The following PLPPR1 variants were observed in gnomAD, a reference collection of about 807,000 sequenced individuals.
The protein encoded by PLPPR1 is phospholipid phosphatase related 1.
In PLPPR1, 10 loss-of-function variants were observed where a neutral mutation model predicts 33.1. The ratio of observed to expected loss-of-function variants is 0.30; its 90% CI spans 0.19 to 0.51. The LOEUF (loss-of-function observed/expected upper bound fraction) is 0.51, where lower values mean the gene tolerates loss of function less well. Ranked by LOEUF, PLPPR1 falls within the 20% of genes least tolerant of loss-of-function variation. The pLI is 0.97. For synonymous variants in PLPPR1, 151 were observed against 151.0 expected (o/e 1.00, Z 0.00); for missense variants, 304 against 408.1 (o/e 0.74, Z 2.20).
chr9:101,132,450 G>A (rs777742301), intron 1 of PLPPR1, among the ~76,000 whole-genome samples: 1 of 152,158 alleles, frequency 6.6e-6, no homozygotes, highest in Non-Finnish European at 1.5e-5. Context: ...TGTCATTCTG[G>A]AAAAGCAAAA....
intron 2 of PLPPR1, among the ~76,000 whole-genome samples, chr9:101,239,434 T>C (rs1000725846): frequency 2.6e-5 from 4 of 151,958 alleles, no homozygotes; most frequent in Non-Finnish European, 5.9e-5. Flanking sequence ...GGTGATGGGA[T>C]AATTCATACC....
intron 1 of PLPPR1, among the ~76,000 whole-genome samples, chr9:101,054,707 T>C (rs776809195): frequency 4.6e-4 from 70 of 152,292 alleles, no homozygotes; most frequent in Non-Finnish European, 8.5e-4. Context: ...GACCATCAAA[T>C]GGAGGGAATT....
chr9:101,232,962 C>A (rs1457229913), intron 2 of PLPPR1, among the ~76,000 whole-genome samples: 1 of 152,034 alleles, frequency 6.6e-6, no homozygotes, highest in Non-Finnish European at 1.5e-5. Flanking sequence ...TGATCCTACA[C>A]TGAACAACTT....
intron 1 of PLPPR1, among the ~76,000 whole-genome samples, chr9:101,110,668 C>A (rs931845235): frequency 3.9e-5 from 6 of 151,956 alleles, no homozygotes; most frequent in African/African-American, 1.4e-4. Context: ...AGGGGTATTG[C>A]TAAGATTTAG....
At chr9:101,087,367 T>C (rs1381559087) in intron 1 of PLPPR1, among the ~76,000 whole-genome samples, 1 of 152,284 alleles carries the variant, frequency 6.6e-6, no homozygotes, top group East Asian at 1.9e-4. Flanking sequence ...ATTCTGCTAG[T>C]CTTTTCTCAT....
At chr9:101,239,469 A>G (rs1827406297) in intron 2 of PLPPR1, among the ~76,000 whole-genome samples, 1 of 152,008 alleles carries the variant, frequency 6.6e-6, no homozygotes, top group Non-Finnish European at 1.5e-5. Context: ...CATGCAATAT[A>G]TCCAGGTAAC....
intron 2 of PLPPR1, among the ~76,000 whole-genome samples, chr9:101,248,734 T>A (rs1326814752): frequency 6.6e-6 from 1 of 152,120 alleles, no homozygotes; most frequent in Non-Finnish European, 1.5e-5. Context: ...CCTGTTCTTA[T>A]CTTATTTCAA....
intron 2 of PLPPR1, among the ~76,000 whole-genome samples, chr9:101,223,166 A>AGG (rs1826986429): frequency 9.0e-6 from 1 of 111,306 alleles, no homozygotes; most frequent in Non-Finnish European, 1.8e-5. Context: ...AAAAAAAAAA[A>AGG]AAAAAAGAAA....
intron 2 of PLPPR1, among the ~76,000 whole-genome samples, chr9:101,260,231 A>G (rs1372785157): frequency 6.6e-6 from 1 of 152,140 alleles, no homozygotes; most frequent in Non-Finnish European, 1.5e-5. Context: ...TTTGGGGAGA[A>G]CACAAAAATT....
At chr9:101,182,884 T>C (rs1213616864) in intron 1 of PLPPR1, among the ~76,000 whole-genome samples, 3 of 151,662 alleles carry the variant, frequency 2.0e-5, no homozygotes, top group African/African-American at 7.3e-5. Context: ...AATAAGCACA[T>C]GGAAAGATGC....
intron 1 of PLPPR1, among the ~76,000 whole-genome samples, chr9:101,134,361 T>C (rs1370630261): frequency 1.3e-5 from 2 of 151,578 alleles, no homozygotes; most frequent in African/African-American, 4.8e-5. Flanking sequence ...TGTCAAGTGA[T>C]ATATTGTGGT....
At chr9:101,239,728 C>G (rs968117158) in intron 2 of PLPPR1, among the ~76,000 whole-genome samples, 1 of 151,806 alleles carries the variant, frequency 6.6e-6, no homozygotes, top group Non-Finnish European at 1.5e-5. Context: ...GATGTCTATT[C>G]GGATCATTTG....
intron 1 of PLPPR1, among the ~76,000 whole-genome samples, chr9:101,140,226 G>GTT (rs61459976): frequency 6.6e-5 from 10 of 151,996 alleles, no homozygotes; most frequent in Non-Finnish European, 1.3e-4. Flanking sequence ...AATAGATTCT[G>GTT]TTTTTTCTAG....
chr9:101,178,645 G>A (rs1379318196), intron 1 of PLPPR1, among the ~76,000 whole-genome samples: 3 of 152,162 alleles, frequency 2.0e-5, no homozygotes, highest in Non-Finnish European at 2.9e-5. Context: ...TCCTGAAGCA[G>A]CTAGAATGAT....
In PLPPR1 at chr9:101,257,275, A is replaced by G. The variant is rs118056011; in HGVS notation, c.64-12605A>G. Among the ~76,000 whole-genome samples the G allele has an allele frequency of 7.2e-3, 1,101 of 152,252 alleles. 5 individuals are homozygous for G. The highest frequency in any genetic ancestry group is 8.3e-3 in the Non-Finnish European group (565 of 68,014). On this transcript the variant is annotated intron_variant, in intron 2 of 7. Transcript: ENST00000374874. ...CAGAGCACTTATTACTATCTTGTAT[A>G]TTGGAGAACACCACTCAGAACACAT... is the stretch of plus-strand genomic sequence containing the variant.
chr9:101,164,776 GTGTT>G (rs1192950397), intron 1 of PLPPR1, among the ~76,000 whole-genome samples: 2 of 152,106 alleles, frequency 1.3e-5, no homozygotes, highest in African/African-American at 4.8e-5. Context: ...AAAACTAAAA[GTGTT>G]TGTTTTTCAG....
chr9:101,163,566 C>T (rs1588053950), intron 1 of PLPPR1, among the ~76,000 whole-genome samples: 3 of 152,064 alleles, frequency 2.0e-5, no homozygotes, highest in Non-Finnish European at 4.4e-5. Context: ...GGGGTTGGTG[C>T]TGATTTGGAG....
chr9:101,070,712 C>T (rs1830473070), intron 1 of PLPPR1, among the ~76,000 whole-genome samples: 1 of 152,008 alleles, frequency 6.6e-6, no homozygotes, highest in South Asian at 2.1e-4. Context: ...AATATTTGCT[C>T]CATTTTTTCC....
At chr9:101,042,357 C>G (rs1830086719) in intron 1 of PLPPR1, among the ~76,000 whole-genome samples, 1 of 152,120 alleles carries the variant, frequency 6.6e-6, no homozygotes, top group Non-Finnish European at 1.5e-5. Context: ...TCCAAGGGGA[C>G]AGTTGCTGAG....
Sources: gnomAD v4.1 joint callset for allele counts (sites outside exome capture counted in the v4.1 genomes callset) on GRCh38, gnomAD v4.1.1 for gene constraint, MANE v1.5 for transcripts, NCBI Gene and HGNC (gene_info 2026-07-23, HGNC 2026-07-21) for gene names.